The following C17orf67 variants were observed in gnomAD, a reference collection of about 807,000 sequenced individuals.
C17orf67 encodes chromosome 17 open reading frame 67.
C17orf67 carries 12 observed loss-of-function variants against 11.2 expected under a neutral mutation model. The ratio of observed to expected loss-of-function variants is 1.07; its 90% confidence interval spans 0.68 to 1.73. C17orf67 has a LOEUF of 1.73. Among genes scored for constraint, C17orf67 ranks in the 40% most tolerant of loss-of-function variants. The pLI, the probability that C17orf67 is intolerant of heterozygous loss-of-function variation, is 0.00. For synonymous variants in C17orf67, 59 were observed against 46.9 expected (o/e 1.26, Z -1.05); for missense variants, 115 against 113.5 (o/e 1.01, Z -0.06).
rs769749324 is a variant in C17orf67 at position 56,815,789 on chromosome 17, C to A, written c.22G>T (p.Val8Leu). 17 of 1,613,656 alleles carry A rather than the reference C, an allele frequency of 1.1e-5. No homozygotes were observed. The highest frequency in any genetic ancestry group is 1.4e-5 in the Non-Finnish European group (17 of 1,179,830). MKTLPVL[V>L]LSLTLLTVFS... Reference sequence around the variant, plus strand: ...ACAGTCAGTAAGGTAAGAGACAGCACGAGCACAGGCAATGTCTTCATCCTG... The same window carrying A: ...ACAGTCAGTAAGGTAAGAGACAGCAAGAGCACAGGCAATGTCTTCATCCTG... The change falls in exon 5 of 8, where the codon GTG becomes TTG. Residue 8 changes from valine (V) to leucine (L), a missense_variant. By Grantham distance (32) the Val-to-Leu change is conservative (BLOSUM62 1). Coordinates refer to ENST00000397861, the MANE Select transcript of C17orf67 (RefSeq NM_001085430.4).
chr17:56,811,547 G>T lies in C17orf67; in HGVS notation c.156+3322C>A, dbSNP rs568143260. The stretch of plus-strand genomic sequence containing the variant: ...GTTAGTGAGCCCAAATCAGGCTGGG[G>T]CTCGAGACTCTCTTCTTGCAGAGCC... On this transcript the variant is annotated intron_variant, in intron 6 of 7. Coordinates refer to ENST00000397861, the MANE Select transcript of C17orf67 (RefSeq NM_001085430.4). Among the ~76,000 whole-genome samples the T allele has an allele frequency of 2.1e-4, 32 of 152,252 alleles. No individual in the cohort carries two copies. The South Asian group carries it at 5.8e-3, about 28-fold the overall frequency.
rs147609516 is a variant in C17orf67, at chr17:56,827,216, C to T, written c.-556-1895G>A. 3.3e-5 allele frequency among the ~76,000 whole-genome samples: 5 copies of T among 152,352 alleles called. No individual in the cohort carries two copies. The East Asian group carries it at 9.6e-4, about 29-fold the overall frequency. ...GGCTGAAGGTCATAGATAAGCTTAACTCATACTGTAAATCATTCCTACCAG... is the reference window on the plus strand; with the variant it reads ...GGCTGAAGGTCATAGATAAGCTTAATTCATACTGTAAATCATTCCTACCAG... On this transcript the variant is annotated intron_variant, in intron 2 of 7. Transcript: ENST00000397861.
At chr17:56,822,386 C>G (rs1905925099) in intron 4 of C17orf67, among the ~76,000 whole-genome samples, 1 of 152,102 alleles carries the variant, frequency 6.6e-6, no homozygotes. Context: ...ACAGACCTGG[C>G]CTTGAATGCT....
intron 5 of C17orf67, 138 bp from the exon 6 acceptor site, chr17:56,815,107 G>A (rs1451736876): frequency 1.4e-6 from 1 of 737,216 alleles, no homozygotes; most frequent in Non-Finnish European, 2.4e-6. Flanking sequence ...CTGTCCCAAA[G>A]GATGCAGCAT....
chr17:56,832,683 C>T (rs1906250371), intron 2 of C17orf67, among the ~76,000 whole-genome samples: 2 of 152,200 alleles, frequency 1.3e-5, no homozygotes, highest in African/African-American at 2.4e-5. Context: ...ATCCCCTTCA[C>T]ATTCCCTCCT....
intron 4 of C17orf67, among the ~76,000 whole-genome samples, chr17:56,819,686 T>C (rs931669638): frequency 4.6e-5 from 7 of 152,118 alleles, no homozygotes; most frequent in African/African-American, 1.7e-4. Context: ...GGGAGGAATA[T>C]AGAAAGACCG....
At chr17:56,807,856 C>T (rs1905490554) in intron 6 of C17orf67, among the ~76,000 whole-genome samples, 1 of 151,416 alleles carries the variant, frequency 6.6e-6, no homozygotes, top group African/African-American at 2.4e-5. Context: ...CACCACTGCA[C>T]TCCAGCCTGG....
chr17:56,803,390 T>G (rs1221242694), intron 6 of C17orf67, among the ~76,000 whole-genome samples: 1 of 152,246 alleles, frequency 6.6e-6, no homozygotes, highest in African/African-American at 2.4e-5. Context: ...ACTTTTATAA[T>G]GAGATCACTG....
intron 6 of C17orf67, among the ~76,000 whole-genome samples, chr17:56,802,142 C>A (rs1905337702): frequency 6.6e-6 from 1 of 152,178 alleles, no homozygotes; most frequent in African/African-American, 2.4e-5. Context: ...CCCTCCAGAT[C>A]CTGTCTGTCT....
chr17:56,795,263 C>T (rs1343050444), intron 6 of C17orf67, 83 bp from the exon 7 acceptor site: 3 of 1,221,070 alleles, frequency 2.5e-6, no homozygotes, highest in African/African-American at 3.0e-5. Context: ...CTCTGGCTCC[C>T]TAGACAGGGC....
chr17:56,822,326 G>A (rs1285436667), intron 4 of C17orf67, among the ~76,000 whole-genome samples: 1 of 152,206 alleles, frequency 6.6e-6, no homozygotes, highest in Non-Finnish European at 1.5e-5. Flanking sequence ...AGTTTCTACT[G>A]TGTAGGCAGT....
intron 6 of C17orf67, among the ~76,000 whole-genome samples, chr17:56,810,253 G>A (rs906749362): frequency 2.5e-5 from 3 of 121,590 alleles, no homozygotes; most frequent in African/African-American, 3.4e-5. Context: ...CACATGCATC[G>A]CTCTCCCACA....
intron 6 of C17orf67, among the ~76,000 whole-genome samples, chr17:56,802,043 C>T (rs886997288): frequency 6.6e-6 from 1 of 152,176 alleles, no homozygotes; most frequent in Non-Finnish European, 1.5e-5. Flanking sequence ...CACTTGCTTC[C>T]TTAAGTTAGT....
intron 2 of C17orf67, among the ~76,000 whole-genome samples, chr17:56,831,948 TTTTC>T (rs767734608): frequency 6.6e-6 from 1 of 152,072 alleles, no homozygotes; most frequent in African/African-American, 2.4e-5. Flanking sequence ...CACAGTTTCT[TTTTC>T]TTTCTTTTTT....
chr17:56,826,567 A>G (rs1016422221), intron 2 of C17orf67, among the ~76,000 whole-genome samples: 1 of 152,174 alleles, frequency 6.6e-6, no homozygotes, highest in South Asian at 2.1e-4. Context: ...CAGCCTCCAA[A>G]CTCAAAAGTG....
intron 4 of C17orf67, among the ~76,000 whole-genome samples, chr17:56,818,286 A>G (rs1257560298): frequency 1.3e-5 from 2 of 152,248 alleles, no homozygotes; most frequent in Non-Finnish European, 2.9e-5. Context: ...TATCATATCA[A>G]ATAAATATCT....
chr17:56,813,638 G>T lies in C17orf67; in HGVS notation c.156+1231C>A, dbSNP rs141479369. On this transcript the variant is annotated intron_variant, in intron 6 of 7. Coordinates refer to ENST00000397861, the MANE Select transcript of C17orf67 (RefSeq NM_001085430.4). ...ATCTGTTCTTAAATCATACTGCATA[G>T]CAGCCATTTGCTTACTTCTGTCTCC... Among the ~76,000 whole-genome samples, 260 of 151,720 alleles carry T rather than the reference G, an allele frequency of 1.7e-3. 1 individual carries two copies. Among genetic ancestry groups the T allele is most frequent in the Middle Eastern group, 0.01 (3 of 288 alleles).
At chr17:56,803,709 T>C (rs1487360624) in intron 6 of C17orf67, 1 of 152,222 alleles carries the variant, frequency 6.6e-6, no homozygotes, top group Non-Finnish European at 1.5e-5. Flanking sequence ...TATAACAGCC[T>C]AGGCCAAATG....
At chr17:56,807,989 G>A (rs1487265508) in intron 6 of C17orf67, among the ~76,000 whole-genome samples, 3 of 152,154 alleles carry the variant, frequency 2.0e-5, no homozygotes, top group Admixed American at 2.0e-4. Flanking sequence ...CAAAAGGGAT[G>A]TCTCCAAGCA....
Sources: gnomAD v4.1 joint callset for allele counts (sites outside exome capture counted in the v4.1 genomes callset) on GRCh38, gnomAD v4.1.1 for gene constraint, MANE v1.5 for transcripts, NCBI Gene and HGNC (gene_info 2026-07-23, HGNC 2026-07-21) for gene names.